ATG2B: variants seen among roughly 807,000 people sequenced by gnomAD.
ATG2B encodes the protein autophagy related 2B.
A neutral mutation model predicts 241.3 loss-of-function variants in ATG2B; 121 were observed. The ratio of observed to expected loss-of-function variants is 0.50; its 90% CI spans 0.43 to 0.58. The LOEUF is 0.58. ATG2B is among the 20% of genes least tolerant of loss of function. ATG2B has a pLI of 0.00. For synonymous variants in ATG2B, 858 were observed against 876.6 expected, an observed-to-expected ratio of 0.98 and a Z score of 0.37; for missense variants, 2,306 against 2,491.6, an observed-to-expected ratio of 0.93 and a Z score of 1.59.
At chr14:96,301,607 C>T (rs1396688971) in intron 34 of ATG2B, among the ~76,000 whole-genome samples, 1 of 152,128 alleles carries the variant, frequency 6.6e-6, no homozygotes, top group African/African-American at 2.4e-5. Context: ...TACCAATTTA[C>T]TCATTTGTCA....
chr14:96,305,527 C>A (rs534483712), intron 31 of ATG2B, 62 bp downstream of exon 31: 4 of 1,163,842 alleles, frequency 3.4e-6, no homozygotes, highest in African/African-American at 3.1e-5. Flanking sequence ...ATGGAAAATT[C>A]TATTTTTCTA....
At position 96,289,876 on chromosome 14, in the gene ATG2B, T is replaced by C; in HGVS notation, c.5857-71A>G. The C allele has an allele frequency of 1.3e-6, 2 of 1,522,568 alleles. No homozygotes were observed. Among genetic ancestry groups the C allele is most frequent in the South Asian group, 2.3e-5 (2 of 85,604 alleles). 94.3% of individuals were successfully genotyped at this position (1,522,568 alleles called of 1,614,324 possible). On this transcript the variant is annotated intron_variant, in intron 40 of 41. Coordinates refer to ENST00000359933, the MANE Select transcript of ATG2B (RefSeq NM_018036.7). The surrounding 1 kb of genome is among the most constrained non-coding windows in gnomAD (Gnocchi z 4.3). ...GAAGAGTTACGGACCAGCAGAGCACTTCCTACAGGGAGTGAGGAAGAGCAG... is the reference window on the plus strand; with the variant it reads ...GAAGAGTTACGGACCAGCAGAGCACCTCCTACAGGGAGTGAGGAAGAGCAG...
At chr14:96,309,268 C>T (rs982602848) in intron 29 of ATG2B, among the ~76,000 whole-genome samples, 185 bp downstream of exon 29, 2 of 152,144 alleles carry the variant, frequency 1.3e-5, no homozygotes, top group Non-Finnish European at 2.9e-5. Flanking sequence ...TCTGCATTCC[C>T]GACACCAGCC....
intron 5 of ATG2B, among the ~76,000 whole-genome samples, chr14:96,342,880 C>A (rs1384162250): frequency 6.6e-6 from 1 of 152,006 alleles, no homozygotes. Flanking sequence ...ACCATTTTCC[C>A]CCAAGATACA....
chr14:96,300,783 A>C (rs1886768659), intron 34 of ATG2B, among the ~76,000 whole-genome samples: 1 of 152,238 alleles, frequency 6.6e-6, no homozygotes, highest in African/African-American at 2.4e-5. Context: ...AGAGGCTATA[A>C]GCATTAATGT....
In ATG2B at chr14:96,360,511, T is replaced by C. The variant is rs139960896; in HGVS notation, c.162+2304A>G. Among the ~76,000 whole-genome samples, 133 of 152,320 alleles carry C rather than the reference T, an allele frequency of 8.7e-4. 1 individual carries two copies. Among genetic ancestry groups the C allele is most frequent in the African/African-American group, 3.0e-3 (126 of 41,582 alleles). ...ATAGTTTACAAAATGTTTAAAAACA[T>C]GAAAAGACTATTCCAACCAATCTAA... On this transcript the variant is annotated intron_variant, in intron 1 of 41. Coordinates refer to ENST00000359933, the MANE Select transcript of ATG2B (RefSeq NM_018036.7).
At chr14:96,334,596 G>C in intron 6 of ATG2B, 95 bp from the exon 7 acceptor site, 1 of 652,220 alleles carries the variant, frequency 1.5e-6, no homozygotes. Flanking sequence ...GATGAATACT[G>C]AGTCTTTAGT....
intron 24 of ATG2B, 57 bp from the exon 25 acceptor site, chr14:96,313,214 T>C: frequency 7.0e-7 from 1 of 1,426,886 alleles, no homozygotes; most frequent in Non-Finnish European, 9.8e-7. Flanking sequence ...GAAACTCTAT[T>C]AAAAACAACA....
chr14:96,342,698 G>C (rs1014668995), intron 5 of ATG2B, among the ~76,000 whole-genome samples: 3 of 147,086 alleles, frequency 2.0e-5, no homozygotes, highest in Non-Finnish European at 4.5e-5. Flanking sequence ...CACCAGCCTG[G>C]GCGACAAGAG....
intron 27 of ATG2B, 119 bp downstream of exon 27, chr14:96,311,423 T>A: frequency 8.6e-7 from 1 of 1,167,380 alleles, no homozygotes; most frequent in Non-Finnish European, 1.2e-6. Flanking sequence ...AATAAATCCA[T>A]TTTTAATATA....
At chr14:96,307,022 T>A in intron 29 of ATG2B, 106 bp from the exon 30 acceptor site, 1 of 901,364 alleles carries the variant, frequency 1.1e-6, no homozygotes. Context: ...CTGCAATATC[T>A]CATTTATTTC....
At chr14:96,307,433 AAC>A in intron 29 of ATG2B, among the ~76,000 whole-genome samples, 2 of 152,092 alleles carry the variant, frequency 1.3e-5, no homozygotes, top group Non-Finnish European at 2.9e-5. Context: ...ACAAACAAAA[AAC>A]AACAACTAAT....
Position 96,363,140 on chromosome 14 carries a change from G to A in ATG2B, c.-164C>T, listed in dbSNP as rs1049824327. 19 of 710,258 alleles carry A rather than the reference G, an allele frequency of 2.7e-5. No homozygotes were observed. The highest frequency in any genetic ancestry group is 4.2e-5 in the Non-Finnish European group (18 of 430,160). The allele number at this position is 710,258 out of a possible 1,614,324, so 44.0% of individuals were successfully genotyped here. On this transcript the variant is annotated 5_prime_UTR_variant, in exon 1 of 42. Transcript: ENST00000359933. ...TCAGGGAGACCCCATCGCCGGCGCC[G>A]CACCGCTCGCGCTGGGCCTGGCGGA...
Position 96,342,031 on chromosome 14 carries a change from C to T in ATG2B, c.745-330G>A, listed in dbSNP as rs562096814. ...AAAATAACAAAAAAGGCAAATTATA[C>T]AGTGACTGACTTATAAAAGGACTCT... On this transcript the variant is annotated intron_variant, in intron 5 of 41. Coordinates refer to ENST00000359933, the MANE Select transcript of ATG2B (RefSeq NM_018036.7). Among the ~76,000 whole-genome samples the T allele has an allele frequency of 1.6e-4, 25 of 152,278 alleles. No individual in the cohort carries two copies. The South Asian group carries it at 3.5e-3, about 21-fold the overall frequency.
intron 29 of ATG2B, 42 bp from the exon 30 acceptor site, chr14:96,306,958 TCAA>T (rs777190066): frequency 3.2e-5 from 48 of 1,514,172 alleles, no homozygotes; most frequent in South Asian, 1.6e-4. Flanking sequence ...CTTTGAAATA[TCAA>T]CAACAACAAG....
Position 96,362,803 on chromosome 14 carries a change from G to GA in ATG2B, c.162+11_162+12insT, listed in dbSNP as rs771300133. The stretch of plus-strand genomic sequence containing the variant: ...AGCGAGCCCCGCCCGGCTCGCCGCC[G>GA]GCAGCTCTTACCCATTTGTCCAAGG... On this transcript the variant is annotated intron_variant, in intron 1 of 41. Transcript: ENST00000359933. 1.9e-6 allele frequency: 3 copies of GA among 1,586,018 alleles called. No homozygotes were observed. Among genetic ancestry groups the GA allele is most frequent in the Admixed American group, 3.6e-5 (2 of 55,874 alleles).
At chr14:96,322,038 G>C (rs1437555668) in intron 18 of ATG2B, 74 bp downstream of exon 18, 7 of 1,126,168 alleles carry the variant, frequency 6.2e-6, no homozygotes, top group Non-Finnish European at 8.7e-6. Flanking sequence ...GGAAAGGAAA[G>C]GGGGAAGAGG....
At chr14:96,330,379 TATATG>T (rs1304205446) in intron 11 of ATG2B, among the ~76,000 whole-genome samples, 7 of 152,358 alleles carry the variant, frequency 4.6e-5, no homozygotes, top group Admixed American at 2.6e-4. Context: ...AAAATACTAA[TATATG>T]ATATGTTTAA....
intron 15 of ATG2B, among the ~76,000 whole-genome samples, chr14:96,324,697 G>A (rs1322426453): frequency 6.6e-6 from 1 of 152,028 alleles, no homozygotes; most frequent in Admixed American, 6.6e-5. Context: ...AATTCTATAC[G>A]TGTTTTTTCA....
Sources: gnomAD v4.1 joint callset for allele counts (sites outside exome capture counted in the v4.1 genomes callset) on GRCh38, gnomAD v4.1.1 for gene constraint, Gnocchi (gnomAD v3.1) non-coding constraint, MANE v1.5 for transcripts, NCBI Gene and HGNC (gene_info 2026-07-23, HGNC 2026-07-21) for gene names.